The following OR1D2 variants were observed in gnomAD, a reference collection of about 807,000 sequenced individuals.
The protein encoded by OR1D2 is olfactory receptor family 1 subfamily D member 2, also known as olfactory receptor 1D2.
For synonymous variants in OR1D2, 157 were observed against 153.9 expected (o/e 1.02, Z -0.15); for missense variants, 357 against 376.1 (o/e 0.95, Z 0.42).
chr17:3,093,157 A>G, intron 1 of OR1D2, 111 bp from the exon 2 acceptor site: 1 of 689,376 alleles, frequency 1.5e-6, no homozygotes, highest in Non-Finnish European at 2.4e-6. Context: ...AAAATATAAC[A>G]AAGTTTTTAT....
intron 1 of OR1D2, among the ~76,000 whole-genome samples, chr17:3,095,563 A>G (rs1166917376): frequency 6.6e-6 from 1 of 152,076 alleles, no homozygotes; most frequent in Non-Finnish European, 1.5e-5. Context: ...TTGAATCCAC[A>G]TGCACAAAAA....
Position 3,089,017 on chromosome 17 carries a change from G to C in OR1D2, c.*3041C>G, listed in dbSNP as rs944555242. 3.9e-5 allele frequency: 6 copies of C among 151,946 alleles called. No individual in the cohort carries two copies. Among genetic ancestry groups the C allele is most frequent in the Non-Finnish European group, 5.9e-5 (4 of 68,002 alleles). 9.4% of individuals were successfully genotyped at this position (151,946 alleles called of 1,614,324 possible). ...TTCTTCTTGGTTTGGATCCATTGCT[G>C]GTGAGCTAGTGTGATCTTTCAAGGG... On this transcript the variant is annotated 3_prime_UTR_variant, in exon 2 of 2. Coordinates refer to ENST00000641833, the MANE Select transcript of OR1D2 (RefSeq NM_002548.3).
intron 1 of OR1D2, among the ~76,000 whole-genome samples, chr17:3,102,434 C>A (rs1274814106): frequency 6.6e-6 from 1 of 152,182 alleles, no homozygotes; most frequent in Admixed American, 6.5e-5. Context: ...TTTGAACAAA[C>A]TGCGATTTCA....
At chr17:3,096,326 A>G (rs1479256119) in intron 1 of OR1D2, among the ~76,000 whole-genome samples, 1 of 152,254 alleles carries the variant, frequency 6.6e-6, no homozygotes, top group Non-Finnish European at 1.5e-5. Context: ...ATTTATATGC[A>G]TTCTACAGAA....
At chr17:3,094,796 A>G (rs2047835303) in intron 1 of OR1D2, among the ~76,000 whole-genome samples, 1 of 152,162 alleles carries the variant, frequency 6.6e-6, no homozygotes, top group South Asian at 2.1e-4. Context: ...TGAGAATGTC[A>G]TGACAAATGG....
Position 3,088,650 on chromosome 17 carries a change from AC to A in OR1D2, c.*3407del, listed in dbSNP as rs1320320521. On this transcript the variant is annotated 3_prime_UTR_variant, in exon 2 of 2. Coordinates refer to ENST00000641833, the MANE Select transcript of OR1D2 (RefSeq NM_002548.3). Reference sequence around the variant, plus strand: ...GGGTACGTGACTGGGGGCTGCATGCACCAGTAATCAGAACAAAACAGAACAG... The same window carrying A: ...GGGTACGTGACTGGGGGCTGCATGCACAGTAATCAGAACAAAACAGAACAG... The A allele has an allele frequency of 6.5e-6, 1 of 154,638 alleles. No individual in the cohort carries two copies. The highest frequency in any genetic ancestry group is 2.4e-5 in the African/African-American group (1 of 41,436). The allele number at this position is 154,638 out of a possible 1,614,324, so 9.6% of individuals were successfully genotyped here. A position where few individuals can be genotyped will look rare whatever the true frequency, so the allele number is the denominator to read the frequency against.
At chr17:3,102,064 A>T (rs1489485121) in intron 1 of OR1D2, among the ~76,000 whole-genome samples, 1 of 152,208 alleles carries the variant, frequency 6.6e-6, no homozygotes, top group Non-Finnish European at 1.5e-5. Flanking sequence ...TTATTACTGT[A>T]CATATTAATT....
At position 3,088,963 on chromosome 17, in the gene OR1D2, C is replaced by T. The variant is rs2047790744; in HGVS notation, c.*3095G>A. On this transcript the variant is annotated 3_prime_UTR_variant, in exon 2 of 2. Transcript: ENST00000641833. The stretch of plus-strand genomic sequence containing the variant: ...CTTGATTAGCTTAATACTCAACTTT[C>T]TGAATTCTTTTTCTGGCAATTCAGA... 1 of 151,516 alleles carries T rather than the reference C, an allele frequency of 6.6e-6. No homozygotes were observed. The highest frequency in any genetic ancestry group is 2.4e-5 in the African/African-American group (1 of 41,158). 9.4% of individuals were successfully genotyped at this position (151,516 alleles called of 1,614,324 possible). A position where few individuals can be genotyped will look rare whatever the true frequency, so the allele number is the denominator to read the frequency against.
intron 1 of OR1D2, among the ~76,000 whole-genome samples, chr17:3,096,172 G>GA: frequency 6.6e-6 from 1 of 151,958 alleles, no homozygotes; most frequent in East Asian, 1.9e-4. Context: ...GAAAATAGAG[G>GA]AAAAAAGGAC....
At chr17:3,095,961 A>C (rs1193744313) in intron 1 of OR1D2, among the ~76,000 whole-genome samples, 1 of 152,114 alleles carries the variant, frequency 6.6e-6, no homozygotes, top group Non-Finnish European at 1.5e-5. Context: ...GAAGAAAATA[A>C]TAGAATTATA....
Position 3,089,433 on chromosome 17 carries a change from A to G in OR1D2, c.*2625T>C, listed in dbSNP as rs1219306084. On this transcript the variant is annotated 3_prime_UTR_variant, in exon 2 of 2. Coordinates refer to ENST00000641833, the MANE Select transcript of OR1D2 (RefSeq NM_002548.3). ...GGTCCAAGTGTTTATCTAGGAGTCT[A>G]TGGTCCTTGGTTGAAGTTTTGTTTA... is the stretch of plus-strand genomic sequence containing the variant. 3 of 152,224 alleles carry G rather than the reference A, an allele frequency of 2.0e-5. No individual in the cohort carries two copies. Among genetic ancestry groups the G allele is most frequent in the Admixed American group, 6.5e-5 (1 of 15,280 alleles). 9.4% of individuals were successfully genotyped at this position (152,224 alleles called of 1,614,324 possible).
chr17:3,092,599 G>A lies in OR1D2; in HGVS notation c.398C>T (p.Thr133Ile). Residue 133 changes from threonine to isoleucine, a missense_variant, in exon 2 of 2, where the codon ACC becomes ATC. Transcript: ENST00000641833. ...YVAICCPLHY[T>I]TAMSPKLCIL... The stretch of plus-strand genomic sequence containing the variant: ...ACAGAGCTTAGGGCTCATGGCTGTG[G>A]TGTAGTGGAGGGGGCAGCAGATGGC... The A allele has an allele frequency of 6.2e-7, 1 of 1,614,144 alleles. No individual in the cohort carries two copies. Among genetic ancestry groups the A allele is most frequent in the Non-Finnish European group, 8.5e-7 (1 of 1,180,026 alleles).
chr17:3,099,742 A>G (rs1353781744), intron 1 of OR1D2, among the ~76,000 whole-genome samples: 2 of 152,236 alleles, frequency 1.3e-5, no homozygotes, highest in Non-Finnish European at 2.9e-5. Flanking sequence ...TTGGATAAAG[A>G]GTCAAGACCC....
intron 1 of OR1D2, among the ~76,000 whole-genome samples, chr17:3,097,787 G>A (rs528746822): frequency 1.1e-4 from 17 of 152,312 alleles, no homozygotes; most frequent in African/African-American, 1.9e-4. Flanking sequence ...CCCTGGGTGG[G>A]GGAAGGGCGG....
In OR1D2 at chr17:3,091,916, T is replaced by G. The variant is rs1189481462; in HGVS notation, c.*142A>C. On this transcript the variant is annotated 3_prime_UTR_variant, in exon 2 of 2. Coordinates refer to ENST00000641833, the MANE Select transcript of OR1D2 (RefSeq NM_002548.3). The stretch of plus-strand genomic sequence containing the variant: ...GGGGACACCAGGTTACAAATATGTC[T>G]TTTTTATCACCACATATCTATATGC... 1 of 667,892 alleles carries G rather than the reference T, an allele frequency of 1.5e-6. No homozygotes were observed. Among genetic ancestry groups the G allele is most frequent in the Non-Finnish European group, 2.6e-6 (1 of 389,890 alleles). The allele number at this position is 667,892 out of a possible 1,614,324, so 41.4% of individuals were successfully genotyped here.
intron 1 of OR1D2, among the ~76,000 whole-genome samples, chr17:3,097,667 G>C (rs1222649495): frequency 6.6e-6 from 1 of 152,200 alleles, no homozygotes; most frequent in East Asian, 1.9e-4. Flanking sequence ...CCTTGAGGGA[G>C]AGAAAACTAG....
chr17:3,101,799 G>A (rs112668546), intron 1 of OR1D2, among the ~76,000 whole-genome samples: 8,045 of 152,186 alleles, frequency 0.053, 499 homozygotes, highest in African/African-American at 0.15. Context: ...CTTCTTAAGC[G>A]ATAAGCAACT....
chr17:3,088,612 T>C lies in OR1D2; in HGVS notation c.*3446A>G, dbSNP rs1168060451. On this transcript the variant is annotated 3_prime_UTR_variant, in exon 2 of 2. Transcript: ENST00000641833. ...GTCTGCGTGAGAGAGTCATGATCAA[T>C]TGAGCAAGCAGGGGGTACGTGACTG... 2 of 156,512 alleles carry C rather than the reference T, an allele frequency of 1.3e-5. No homozygotes were observed. Among genetic ancestry groups the C allele is most frequent in the African/African-American group, 4.8e-5 (2 of 41,412 alleles). The allele number at this position is 156,512 out of a possible 1,614,324, so 9.7% of individuals were successfully genotyped here. A position where few individuals can be genotyped will look rare whatever the true frequency, so the allele number is the denominator to read the frequency against.
intron 1 of OR1D2, among the ~76,000 whole-genome samples, chr17:3,097,227 G>A (rs72808831): frequency 0.044 from 6,645 of 152,130 alleles, 233 homozygotes; most frequent in Non-Finnish European, 0.061. Flanking sequence ...TATTTCTGTG[G>A]TGTCCATTTT....
Sources: allele counts gnomAD v4.1 joint callset (sites outside exome capture counted in the v4.1 genomes callset), GRCh38; gene constraint gnomAD v4.1.1; transcripts MANE v1.5; gene names NCBI Gene and HGNC (gene_info 2026-07-23, HGNC 2026-07-21).